Variants in STK10 observed in about 807,000 individuals in gnomAD.
STK10 encodes serine/threonine-protein kinase 10.
A neutral mutation model predicts 113.8 loss-of-function variants in STK10; 78 were observed. That is an observed-to-expected ratio of 0.69 (90% CI 0.57 to 0.83). STK10 has a LOEUF of 0.83. Among genes scored for constraint, STK10 ranks in the 40% least tolerant of loss-of-function variants. The probability of loss-of-function intolerance (pLI) is 0.00; values close to 1 mark genes in which losing one functional copy is unlikely to be tolerated. For missense variants in STK10, 1,109 were observed against 1,280.1 expected (o/e 0.87, Z 2.04); for synonymous variants, 465 against 494.7 (o/e 0.94, Z 0.80).
Position 172,105,641 on chromosome 5 carries a change from G to A in STK10, c.870+15C>T, listed in dbSNP as rs371269962. 39 of 1,613,272 alleles carry A rather than the reference G, an allele frequency of 2.4e-5. No homozygotes were observed. In the African/African-American group the frequency reaches 4.9e-4, roughly 20 times the overall value. ...CCACCCTTCAGGGAGCAGAGTGGGA[G>A]GGGAATCCACTCACCTCCAGCAGCT... On this transcript the variant is annotated intron_variant, in intron 7 of 18. Coordinates refer to ENST00000176763, the MANE Select transcript of STK10 (RefSeq NM_005990.4).
intron 2 of STK10, among the ~76,000 whole-genome samples, chr5:172,153,076 C>G (rs573833795): frequency 6.6e-6 from 1 of 152,094 alleles, no homozygotes; most frequent in African/African-American, 2.4e-5. Flanking sequence ...CACCTGAGGT[C>G]GGGAGTTCAA....
At chr5:172,075,003 G>A (rs1008704472) in intron 12 of STK10, among the ~76,000 whole-genome samples, 3 of 151,040 alleles carry the variant, frequency 2.0e-5, no homozygotes, top group Non-Finnish European at 4.4e-5. Flanking sequence ...CTGGGGGACC[G>A]AGTGAGACTC....
chr5:172,186,024 A>G (rs112734369), intron 1 of STK10, among the ~76,000 whole-genome samples: 2,980 of 152,288 alleles, frequency 0.02, 88 homozygotes, highest in African/African-American at 0.063. Context: ...CTGTAATCCC[A>G]ACACTTTGGG....
intron 2 of STK10, among the ~76,000 whole-genome samples, chr5:172,142,480 A>C (rs1349730646): frequency 6.6e-6 from 1 of 152,212 alleles, no homozygotes; most frequent in East Asian, 1.9e-4. Context: ...GGCAGTTAGC[A>C]GTTTAACCTG....
intron 1 of STK10, among the ~76,000 whole-genome samples, chr5:172,169,484 T>C (rs537110845): frequency 1.4e-5 from 2 of 145,356 alleles, no homozygotes; most frequent in Non-Finnish European, 3.0e-5. Flanking sequence ...GTTGGGTGAA[T>C]GGATGGGTGG....
At chr5:172,157,483 G>A (rs987204008) in intron 1 of STK10, among the ~76,000 whole-genome samples, 2 of 152,266 alleles carry the variant, frequency 1.3e-5, no homozygotes, top group African/African-American at 4.8e-5. Context: ...TTGAACCCGG[G>A]AGGCAGAGGT....
intron 13 of STK10, among the ~76,000 whole-genome samples, chr5:172,062,146 T>A (rs1286566406): frequency 6.6e-6 from 1 of 151,902 alleles, no homozygotes; most frequent in Non-Finnish European, 1.5e-5. Context: ...CCTGGCTAAC[T>A]TTTGTATTTT....
intron 1 of STK10, among the ~76,000 whole-genome samples, chr5:172,182,128 C>G (rs1770868078): frequency 6.6e-6 from 1 of 151,758 alleles, no homozygotes; most frequent in African/African-American, 2.4e-5. Flanking sequence ...CATGGTAAAA[C>G]CCCGTCTCTA....
At chr5:172,164,531 A>G (rs1487282840) in intron 1 of STK10, among the ~76,000 whole-genome samples, 1 of 152,228 alleles carries the variant, frequency 6.6e-6, no homozygotes. Context: ...AGCAGGTTCA[A>G]AGGATTAGGA....
Position 172,130,844 on chromosome 5 carries a change from C to T in STK10, c.322-3423G>A, listed in dbSNP as rs148888912. Among the ~76,000 whole-genome samples the T allele has an allele frequency of 6.6e-3, 1,000 of 152,202 alleles. 26 individuals are homozygous for T. Among genetic ancestry groups the T allele is most frequent in the Admixed American group, 0.051 (779 of 15,276 alleles). ...TAATATGTGTTTGTTAAATCTCTAC[C>T]AAATGAAATCACCAGTAAGTTTCAT... On this transcript the variant is annotated intron_variant, in intron 2 of 18. Coordinates refer to ENST00000176763, the MANE Select transcript of STK10 (RefSeq NM_005990.4).
At chr5:172,088,208 C>G (rs1768614298) in intron 10 of STK10, among the ~76,000 whole-genome samples, 1 of 152,098 alleles carries the variant, frequency 6.6e-6, no homozygotes, top group South Asian at 2.1e-4. Flanking sequence ...CTGTGCCCAG[C>G]TGCATGGTTA....
At chr5:172,165,978 C>A (rs2339361) in intron 1 of STK10, among the ~76,000 whole-genome samples, 1 of 151,632 alleles carries the variant, frequency 6.6e-6, no homozygotes, top group Admixed American at 6.6e-5. Flanking sequence ...TTTTTAGTGG[C>A]GACGGGGTTT....
intron 2 of STK10, among the ~76,000 whole-genome samples, chr5:172,141,136 T>C (rs944257247): frequency 1.3e-5 from 2 of 152,200 alleles, no homozygotes; most frequent in African/African-American, 4.8e-5. Context: ...GAGTTACTCA[T>C]TACTGGGCAT....
intron 12 of STK10, among the ~76,000 whole-genome samples, chr5:172,075,717 TG>T (rs1768291763): frequency 1.3e-5 from 2 of 152,104 alleles, no homozygotes; most frequent in Admixed American, 1.3e-4. Flanking sequence ...TAAATACATA[TG>T]GGTAGCAAGT....
intron 1 of STK10, among the ~76,000 whole-genome samples, chr5:172,168,986 C>T (rs920585198): frequency 6.6e-6 from 1 of 152,164 alleles, no homozygotes; most frequent in African/African-American, 2.4e-5. Flanking sequence ...CCCCTGCCCA[C>T]TTCCCCAGGG....
chr5:172,089,415 T>TGGATGGATGGATGGATGGAA (rs1768639539), intron 10 of STK10, among the ~76,000 whole-genome samples: 25 of 148,228 alleles, frequency 1.7e-4, no homozygotes, highest in African/African-American at 3.6e-4. Context: ...GATGGATGGA[T>TGGATGGATGGATGGATGGAA]GGATGGATGG....
At chr5:172,115,009 G>A (rs1769343685) in intron 4 of STK10, 1 of 152,264 alleles carries the variant, frequency 6.6e-6, no homozygotes, top group Non-Finnish European at 1.5e-5. Flanking sequence ...CCCTCTGCTG[G>A]GCCTGTGCGA....
At chr5:172,077,210 ATT>A (rs1419185294) in intron 12 of STK10, among the ~76,000 whole-genome samples, 20 of 152,140 alleles carry the variant, frequency 1.3e-4, no homozygotes, top group African/African-American at 4.8e-4. Flanking sequence ...CGAGTTCCTC[ATT>A]TTCTCATCAG....
At chr5:172,109,470 C>T (rs1769186443) in intron 4 of STK10, among the ~76,000 whole-genome samples, 3 of 151,836 alleles carry the variant, frequency 2.0e-5, no homozygotes, top group African/African-American at 4.8e-5. Context: ...CCACCACACC[C>T]GGCTAATTTT....
Sources: gnomAD v4.1 joint callset for allele counts (sites outside exome capture counted in the v4.1 genomes callset) on GRCh38, gnomAD v4.1.1 for gene constraint, MANE v1.5 for transcripts, NCBI Gene and HGNC (gene_info 2026-07-23, HGNC 2026-07-21) for gene names.